Variants in CERS6 observed in about 807,000 individuals in gnomAD.
CERS6 encodes the protein ceramide synthase 6, also known as LAG1 homolog, ceramide synthase 6.
A neutral mutation model predicts 56.8 loss-of-function variants in CERS6; 26 were observed. The ratio of observed to expected loss-of-function variants is 0.46; its 90% confidence interval spans 0.34 to 0.63. The LOEUF is 0.63. Among genes scored for constraint, CERS6 ranks in the 30% least tolerant of loss-of-function variants. The pLI, the probability that CERS6 is intolerant of heterozygous loss-of-function variation, is 0.01. For synonymous variants in CERS6, 164 were observed against 173.3 expected (o/e 0.95, Z 0.42); for missense variants, 415 against 467.5 (o/e 0.89, Z 1.04).
chr2:168,648,246 G>A (rs541027021), intron 4 of CERS6, among the ~76,000 whole-genome samples: 10 of 152,120 alleles, frequency 6.6e-5, no homozygotes, highest in African/African-American at 1.9e-4. Flanking sequence ...TTCAGTCTTG[G>A]CGGGTATATG....
At position 168,597,068 on chromosome 2, in the gene CERS6, A is replaced by G. The variant is rs532678175; in HGVS notation, c.408-33917A>G. Among the ~76,000 whole-genome samples, 5 of 152,194 alleles carry G rather than the reference A, an allele frequency of 3.3e-5. No homozygotes were observed. In the South Asian group the frequency reaches 1.0e-3, roughly 31 times the overall value. On this transcript the variant is annotated intron_variant, in intron 3 of 9. Transcript: ENST00000305747. Reference sequence around the variant, plus strand: ...CAATATTCTGACTAATCTCTGACTCACTTTCACACTGCTATGAGTTTAGCT... The same window carrying G: ...CAATATTCTGACTAATCTCTGACTCGCTTTCACACTGCTATGAGTTTAGCT...
At chr2:168,490,211 G>C (rs960953380) in intron 1 of CERS6, among the ~76,000 whole-genome samples, 1 of 152,132 alleles carries the variant, frequency 6.6e-6, no homozygotes, top group Non-Finnish European at 1.5e-5. Context: ...GGTGAAGCCA[G>C]GAATTGTGCT....
intron 1 of CERS6, among the ~76,000 whole-genome samples, chr2:168,511,935 T>G (rs879278145): frequency 1.5e-5 from 2 of 133,742 alleles, no homozygotes; most frequent in Non-Finnish European, 3.2e-5. Flanking sequence ...CATACCCATA[T>G]GTGTGCATGC....
At position 168,645,039 on chromosome 2, in the gene CERS6, C is replaced by T. The variant is rs60885330; in HGVS notation, c.465+13997C>T. ...CCCGGGGGCGGAGGTTGCAGTGAGCCGAGATCACACCACTGCACTCCAGCC... is the reference window on the plus strand; with the variant it reads ...CCCGGGGGCGGAGGTTGCAGTGAGCTGAGATCACACCACTGCACTCCAGCC... On this transcript the variant is annotated intron_variant, in intron 4 of 9. Coordinates refer to ENST00000305747, the MANE Select transcript of CERS6 (RefSeq NM_203463.3). Among the ~76,000 whole-genome samples, 1,142 of 131,142 alleles carry T rather than the reference C, an allele frequency of 8.7e-3. 23 individuals are homozygous for T. The highest frequency in any genetic ancestry group is 0.031 in the African/African-American group (1,078 of 34,416). 86.0% of individuals were successfully genotyped at this position (131,142 alleles called of 152,430 possible). A position where few individuals can be genotyped will look rare whatever the true frequency, so the allele number is the denominator to read the frequency against.
At chr2:168,688,056 C>T (rs143221785) in intron 4 of CERS6, among the ~76,000 whole-genome samples, 67 of 152,182 alleles carry the variant, frequency 4.4e-4, no homozygotes, top group Middle Eastern at 3.4e-3. Flanking sequence ...GATGCTGTAA[C>T]GTCATGTGAA....
At chr2:168,581,538 T>C (rs1034432923) in intron 3 of CERS6, among the ~76,000 whole-genome samples, 9 of 152,220 alleles carry the variant, frequency 5.9e-5, no homozygotes, top group Non-Finnish European at 8.8e-5. Flanking sequence ...TTCAAATCAC[T>C]AATTCCCTTT....
At chr2:168,471,953 C>T (rs945532357) in intron 1 of CERS6, among the ~76,000 whole-genome samples, 1 of 152,084 alleles carries the variant, frequency 6.6e-6, no homozygotes, top group Non-Finnish European at 1.5e-5. Context: ...AGGCCCAGTT[C>T]GAATCTGTGG....
At chr2:168,760,738 G>GTTTGTTTGTTTATTTATTTA (rs376070301) in intron 8 of CERS6, among the ~76,000 whole-genome samples, 5 of 129,224 alleles carry the variant, frequency 3.9e-5, no homozygotes, top group African/African-American at 1.0e-4. Context: ...TTTACTGTTT[G>GTTTGTTTGTTTATTTATTTA]TTTATTTATT....
chr2:168,500,045 A>G (rs1694551695), intron 1 of CERS6, among the ~76,000 whole-genome samples: 1 of 152,096 alleles, frequency 6.6e-6, no homozygotes, highest in African/African-American at 2.4e-5. Flanking sequence ...TATAAACATA[A>G]TCTGGGGGAT....
chr2:168,736,017 G>A (rs1412863746), intron 8 of CERS6, among the ~76,000 whole-genome samples: 1 of 152,094 alleles, frequency 6.6e-6, no homozygotes. Context: ...ACTAGCCTGG[G>A]TAATAATGCA....
rs527283877 is a variant in CERS6, at chr2:168,683,236, G to A, written c.466-7798G>A. On this transcript the variant is annotated intron_variant, in intron 4 of 9. Coordinates refer to ENST00000305747, the MANE Select transcript of CERS6 (RefSeq NM_203463.3). ...TAGAAAGGTTATTCCAGTTTGCAGA[G>A]TATTGGTTTTCCTGTAAGTATATAA... Among the ~76,000 whole-genome samples the A allele has an allele frequency of 2.6e-5, 4 of 152,232 alleles. No homozygotes were observed. In the South Asian group the frequency reaches 8.3e-4, roughly 32 times the overall value.
chr2:168,556,741 TTA>T (rs1013113507), intron 2 of CERS6, among the ~76,000 whole-genome samples: 14 of 152,216 alleles, frequency 9.2e-5, no homozygotes, highest in South Asian at 2.1e-4. Flanking sequence ...TATTATATTA[TTA>T]TGTACCTGAA....
chr2:168,746,775 G>GTATATATAATA (rs1684107860), intron 8 of CERS6, among the ~76,000 whole-genome samples: 1 of 38,992 alleles, frequency 2.6e-5, no homozygotes, highest in African/African-American at 7.8e-5. Flanking sequence ...AGGGTAAAGG[G>GTATATATAATA]TATATATATA....
At chr2:168,754,942 A>G (rs1180413318) in intron 8 of CERS6, among the ~76,000 whole-genome samples, 1 of 151,972 alleles carries the variant, frequency 6.6e-6, no homozygotes, top group Non-Finnish European at 1.5e-5. Context: ...CACCCGGCTA[A>G]TTTTTACTTT....
intron 8 of CERS6, among the ~76,000 whole-genome samples, chr2:168,729,461 A>G (rs371682484): frequency 6.6e-6 from 1 of 152,168 alleles, no homozygotes; most frequent in African/African-American, 2.4e-5. Flanking sequence ...TCTCCTGCCA[A>G]CTTTCCACTC....
At chr2:168,712,594 G>A (rs537278916) in intron 6 of CERS6, among the ~76,000 whole-genome samples, 12 of 152,278 alleles carry the variant, frequency 7.9e-5, no homozygotes, top group South Asian at 2.1e-4. Context: ...AAATAGTAGC[G>A]TGATTACTTT....
At chr2:168,559,734 C>CATATATATATATAT (rs1491336787) in intron 2 of CERS6, among the ~76,000 whole-genome samples, 1 of 85,508 alleles carries the variant, frequency 1.2e-5, no homozygotes, top group African/African-American at 3.9e-5. Context: ...AGAAAGGTAT[C>CATATATATATATAT]ATATATATAT....
Position 168,542,302 on chromosome 2 carries a change from C to T in CERS6, c.171-5294C>T, listed in dbSNP as rs1163907954. Reference sequence around the variant, plus strand: ...ACAATGAGATCTCATGTACTCTTTACCCAGTTACCTATAATGGTAACATTT... The same window carrying T: ...ACAATGAGATCTCATGTACTCTTTATCCAGTTACCTATAATGGTAACATTT... On this transcript the variant is annotated intron_variant, in intron 1 of 9. Transcript: ENST00000305747. 2.6e-5 allele frequency among the ~76,000 whole-genome samples: 4 copies of T among 152,322 alleles called. 1 individual carries two copies. The South Asian group carries it at 8.3e-4, about 32-fold the overall frequency.
chr2:168,638,553 T>C (rs1427686162), intron 4 of CERS6, among the ~76,000 whole-genome samples: 1 of 152,224 alleles, frequency 6.6e-6, no homozygotes, highest in Non-Finnish European at 1.5e-5. Context: ...ATTTGGACTT[T>C]ATATTTTGAC....
Sources: gnomAD v4.1 joint callset for allele counts (sites outside exome capture counted in the v4.1 genomes callset) on GRCh38, gnomAD v4.1.1 for gene constraint, MANE v1.5 for transcripts, NCBI Gene and HGNC (gene_info 2026-07-23, HGNC 2026-07-21) for gene names.